The following WDR49 variants were observed in gnomAD, a reference collection of about 807,000 sequenced individuals.
WDR49 encodes the protein cilia- and flagella-associated protein 337.
WDR49 carries 107 observed loss-of-function variants against 119.5 expected under a neutral mutation model. The ratio of observed to expected loss-of-function variants is 0.90; its 90% CI spans 0.77 to 1.05. The LOEUF (loss-of-function observed/expected upper bound fraction) is 1.05, where lower values mean the gene tolerates loss of function less well. Among genes scored for constraint, WDR49 ranks in the 50% least tolerant of loss-of-function variants. WDR49 has a pLI of 0.00. For synonymous variants in WDR49, 425 were observed against 418.8 expected, an observed-to-expected ratio of 1.01 and a Z score of -0.18; for missense variants, 1,240 against 1,220.5, an observed-to-expected ratio of 1.02 and a Z score of -0.24.
At chr3:167,644,127 C>A (rs1718012208) in intron 2 of WDR49, among the ~76,000 whole-genome samples, 1 of 142,156 alleles carries the variant, frequency 7.0e-6, no homozygotes, top group African/African-American at 2.6e-5. Flanking sequence ...TCTCTATGTT[C>A]TCTCTCTTAA....
chr3:167,512,930 T>C (rs1752042297), intron 16 of WDR49, among the ~76,000 whole-genome samples: 1 of 151,844 alleles, frequency 6.6e-6, no homozygotes, highest in Admixed American at 6.6e-5. Context: ...AAAGAACAAA[T>C]GAAGCCTCTG....
At chr3:167,641,153 T>C (rs1717862172) in intron 2 of WDR49, among the ~76,000 whole-genome samples, 1 of 151,858 alleles carries the variant, frequency 6.6e-6, no homozygotes, top group South Asian at 2.1e-4. Flanking sequence ...GGATTTCCAA[T>C]ATTATGGCAT....
intron 18 of WDR49, among the ~76,000 whole-genome samples, chr3:167,498,783 T>A (rs1751453535): frequency 1.3e-5 from 2 of 152,164 alleles, no homozygotes; most frequent in Non-Finnish European, 2.9e-5. Context: ...GAGAGGGGGT[T>A]CAATACAGTT....
At chr3:167,619,462 T>C (rs1716758291) in intron 5 of WDR49, among the ~76,000 whole-genome samples, 1 of 152,146 alleles carries the variant, frequency 6.6e-6, no homozygotes, top group African/African-American at 2.4e-5. Context: ...AGCCATGGTA[T>C]GATTTATATC....
chr3:167,640,584 C>G (rs986825995), intron 2 of WDR49, among the ~76,000 whole-genome samples: 1 of 151,726 alleles, frequency 6.6e-6, no homozygotes, highest in Non-Finnish European at 1.5e-5. Flanking sequence ...TGAAAATGTA[C>G]CAAGTTAATG....
intron 5 of WDR49, among the ~76,000 whole-genome samples, chr3:167,614,266 T>C (rs1427442349): frequency 6.6e-6 from 1 of 152,094 alleles, no homozygotes; most frequent in African/African-American, 2.4e-5. Context: ...CACACCTGGC[T>C]AATTTTATTG....
intron 8 of WDR49, among the ~76,000 whole-genome samples, chr3:167,568,639 T>C: frequency 6.6e-6 from 1 of 152,184 alleles, no homozygotes; most frequent in Middle Eastern, 3.2e-3. Context: ...AAATCAACTT[T>C]TTCTTGCAAT....
intron 5 of WDR49, among the ~76,000 whole-genome samples, chr3:167,615,429 C>G (rs930298985): frequency 4.7e-5 from 7 of 148,960 alleles, no homozygotes; most frequent in African/African-American, 1.7e-4. Flanking sequence ...GACCACCACT[C>G]CCGGCTCTCC....
At chr3:167,563,223 G>T (rs750574756) in intron 8 of WDR49, among the ~76,000 whole-genome samples, 2 of 151,770 alleles carry the variant, frequency 1.3e-5, no homozygotes, top group Non-Finnish European at 2.9e-5. Flanking sequence ...GCGTGGTGGC[G>T]GGTGCCTGTA....
rs752167282 is a variant in WDR49 at position 167,604,418 on chromosome 3, T to C, written c.1009A>G (p.Thr337Ala). 4 of 1,613,576 alleles carry C rather than the reference T, an allele frequency of 2.5e-6. No individual in the cohort carries two copies. The highest frequency in any genetic ancestry group is 3.4e-6 in the Non-Finnish European group (4 of 1,179,826). ...DAIISSTTSNTNSVVMAWREK... is the reference protein window; with the variant it reads ...DAIISSTTSNANSVVMAWREK... ...CTCCAAGCCATCACCACACTATTTG[T>C]ATTGCTGGTTGTACTGGAAATGATA... Residue 337 changes from threonine (T) to alanine (A), a missense_variant, in exon 6 of 19, where the codon ACA (threonine) becomes GCA (alanine). Thr to Ala is a moderately conservative substitution (Grantham distance 58, BLOSUM62 0). Coordinates refer to ENST00000682715, the MANE Select transcript of WDR49 (RefSeq NM_001366157.1).
Position 167,604,399 on chromosome 3 carries a change from G to A in WDR49, c.1028C>T (p.Ala343Val), listed in dbSNP as rs1715937164. ...ACGCTTTTTTGATTTCTCTCTCCAAGCCATCACCACACTATTTGTATTGCT... is the reference window on the plus strand; with the variant it reads ...ACGCTTTTTTGATTTCTCTCTCCAAACCATCACCACACTATTTGTATTGCT... ...TTSNTNSVVM[A>V]WREKSKKRLN... The change falls in exon 6 of 19, where the codon GCT becomes GTT. Residue 343 changes from alanine to valine, a missense_variant. Ala to Val is a moderately conservative substitution (Grantham distance 64, BLOSUM62 0). Transcript: ENST00000682715. 1.9e-6 allele frequency: 3 copies of A among 1,613,556 alleles called. No individual in the cohort carries two copies.
At chr3:167,543,685 T>C (rs955685290) in intron 10 of WDR49, among the ~76,000 whole-genome samples, 1 of 152,082 alleles carries the variant, frequency 6.6e-6, no homozygotes, top group Non-Finnish European at 1.5e-5. Context: ...GCCAACATTA[T>C]GTTGAATGGG....
chr3:167,643,198 A>G (rs1435156018), intron 2 of WDR49, among the ~76,000 whole-genome samples: 1 of 152,034 alleles, frequency 6.6e-6, no homozygotes, highest in Admixed American at 6.6e-5. Context: ...ACAATGGGTA[A>G]CTCTGGTGGA....
intron 4 of WDR49, 72 bp from the exon 5 acceptor site, chr3:167,620,675 A>C: frequency 7.2e-7 from 1 of 1,391,526 alleles, no homozygotes; most frequent in South Asian, 1.5e-5. Flanking sequence ...AGGTTATTTT[A>C]GTTTAATAAG....
At chr3:167,624,802 C>T (rs1283938494) in intron 3 of WDR49, among the ~76,000 whole-genome samples, 2 of 151,998 alleles carry the variant, frequency 1.3e-5, no homozygotes, top group Admixed American at 1.3e-4. Context: ...ATCATCTGGA[C>T]TAGAACTATC....
intron 7 of WDR49, among the ~76,000 whole-genome samples, chr3:167,597,604 A>T (rs1240579645): frequency 6.6e-6 from 1 of 152,052 alleles, no homozygotes; most frequent in Non-Finnish European, 1.5e-5. Context: ...CAGCTTGTAA[A>T]AGCAGCCACA....
chr3:167,569,861 G>A (rs954254707), intron 8 of WDR49, among the ~76,000 whole-genome samples: 4 of 152,136 alleles, frequency 2.6e-5, no homozygotes, highest in Non-Finnish European at 5.9e-5. Flanking sequence ...GTAGGCAGTG[G>A]CATGAAGATA....
At chr3:167,589,496 G>A (rs906675251) in intron 7 of WDR49, among the ~76,000 whole-genome samples, 2 of 151,910 alleles carry the variant, frequency 1.3e-5, no homozygotes, top group African/African-American at 2.4e-5. Context: ...ATTTTGATAG[G>A]GATTGCATTA....
intron 17 of WDR49, among the ~76,000 whole-genome samples, chr3:167,503,068 G>T (rs142465296): frequency 4.6e-5 from 7 of 152,312 alleles, no homozygotes; most frequent in Non-Finnish European, 8.8e-5. Flanking sequence ...ATACACCACT[G>T]TTCTCCATAT....
Sources: allele counts gnomAD v4.1 joint callset (sites outside exome capture counted in the v4.1 genomes callset), GRCh38; gene constraint gnomAD v4.1.1; transcripts MANE v1.5; gene names NCBI Gene and HGNC (gene_info 2026-07-23, HGNC 2026-07-21).